PLCB1: variants seen among roughly 807,000 people sequenced by gnomAD.
PLCB1 encodes the protein 1-phosphatidylinositol 4,5-bisphosphate phosphodiesterase beta-1.
Under a neutral mutation model 161.8 loss-of-function variants are expected in PLCB1, and 46 were observed. The observed-to-expected ratio is 0.28, with a 90% CI of 0.22 to 0.36. The LOEUF is 0.36. Ranked by LOEUF, PLCB1 falls within the 10% of genes least tolerant of loss-of-function variation. PLCB1 has a pLI of 1.00. For synonymous variants in PLCB1, 517 were observed against 503.7 expected, an observed-to-expected ratio of 1.03 and a Z score of -0.35; for missense variants, 1,016 against 1,472.5, an observed-to-expected ratio of 0.69 and a Z score of 5.07.
intron 2 of PLCB1, among the ~76,000 whole-genome samples, chr20:8,338,409 A>C (rs1476270222): frequency 6.6e-6 from 1 of 152,140 alleles, no homozygotes; most frequent in African/African-American, 2.4e-5. Flanking sequence ...GAAAGCATTA[A>C]AGTGTTCTGG....
chr20:8,191,554 T>G (rs1441197527), intron 2 of PLCB1, among the ~76,000 whole-genome samples: 3 of 151,982 alleles, frequency 2.0e-5, no homozygotes, highest in Non-Finnish European at 4.4e-5. Flanking sequence ...AAAATCATAA[T>G]GGTGCATACT....
intron 3 of PLCB1, among the ~76,000 whole-genome samples, chr20:8,593,153 C>G (rs1484607226): frequency 6.6e-6 from 1 of 152,042 alleles, no homozygotes; most frequent in Non-Finnish European, 1.5e-5. Context: ...ACTCACAGGC[C>G]CTGCCCCCCA....
chr20:8,521,160 A>G (rs1423743708), intron 3 of PLCB1, among the ~76,000 whole-genome samples: 1 of 152,134 alleles, frequency 6.6e-6, no homozygotes, highest in African/African-American at 2.4e-5. Context: ...ATTCTAGGTA[A>G]TGCTTCATTA....
chr20:8,284,563 C>T (rs1983024688), intron 2 of PLCB1, among the ~76,000 whole-genome samples: 1 of 152,140 alleles, frequency 6.6e-6, no homozygotes, highest in Non-Finnish European at 1.5e-5. Context: ...CATAGCAAGA[C>T]TCTGTCTCTG....
intron 2 of PLCB1, among the ~76,000 whole-genome samples, chr20:8,222,543 T>A (rs1979469001): frequency 6.6e-6 from 1 of 152,142 alleles, no homozygotes; most frequent in Non-Finnish European, 1.5e-5. Context: ...CTATGATGAA[T>A]CTAAACATGA....
intron 2 of PLCB1, among the ~76,000 whole-genome samples, chr20:8,214,371 A>G (rs908734211): frequency 6.6e-6 from 1 of 151,970 alleles, no homozygotes; most frequent in African/African-American, 2.4e-5. Flanking sequence ...AGATCTGCCT[A>G]TTTAAAAGTG....
At chr20:8,216,581 T>G (rs557235152) in intron 2 of PLCB1, among the ~76,000 whole-genome samples, 31 of 152,094 alleles carry the variant, frequency 2.0e-4, no homozygotes, top group African/African-American at 6.7e-4. Context: ...TATGGTTGAG[T>G]AGAAATAGAA....
chr20:8,134,953 T>C (rs2051331533), intron 1 of PLCB1, among the ~76,000 whole-genome samples: 1 of 152,046 alleles, frequency 6.6e-6, no homozygotes, highest in Non-Finnish European at 1.5e-5. Flanking sequence ...TTTGGTTCTC[T>C]GGGTCTTCAT....
At position 8,647,904 on chromosome 20, in the gene PLCB1, A is replaced by G. The variant is rs2123290762; in HGVS notation, c.469A>G (p.Thr157Ala). ...SRDAFLEKAYTKLKLQVTPEG... is the reference protein window; with the variant it reads ...SRDAFLEKAYAKLKLQVTPEG... Reference sequence around the variant, plus strand: ...GTTTTTCTGCTTCTCCAACAGCTATACTAAACTTAAGCTGCAAGTCACTCC... The same window carrying G: ...GTTTTTCTGCTTCTCCAACAGCTATGCTAAACTTAAGCTGCAAGTCACTCC... Residue 157 changes from threonine to alanine, a missense_variant, in exon 6 of 32, where the codon ACT (threonine) becomes GCT (alanine). By Grantham distance (58) the Thr-to-Ala change is moderately conservative. Transcript: ENST00000338037. The G allele has an allele frequency of 6.2e-7, 1 of 1,606,166 alleles. No individual in the cohort carries two copies. Among genetic ancestry groups the G allele is most frequent in the South Asian group, 1.1e-5 (1 of 89,466 alleles).
rs374392106 is a variant in PLCB1, at chr20:8,139,391, C to A, written c.99+6641C>A. Reference sequence around the variant, plus strand: ...GATTACAGGTGTGAGCCACCGCACCCGGCCTTCAAGGGCTTTTTTTGTTTA... The same window carrying A: ...GATTACAGGTGTGAGCCACCGCACCAGGCCTTCAAGGGCTTTTTTTGTTTA... On this transcript the variant is annotated intron_variant, in intron 1 of 31. Coordinates refer to ENST00000338037, the MANE Select transcript of PLCB1 (RefSeq NM_015192.4). Among the ~76,000 whole-genome samples, 4 of 152,148 alleles carry A rather than the reference C, an allele frequency of 2.6e-5. No homozygotes were observed. The East Asian group carries it at 7.7e-4, about 29-fold the overall frequency.
chr20:8,275,633 T>C (rs1982502167), intron 2 of PLCB1, among the ~76,000 whole-genome samples: 1 of 152,206 alleles, frequency 6.6e-6, no homozygotes, highest in Non-Finnish European at 1.5e-5. Flanking sequence ...TGTTCTTGTT[T>C]TATTTTGTTT....
At chr20:8,499,894 G>A (rs1317768435) in intron 3 of PLCB1, among the ~76,000 whole-genome samples, 1 of 152,172 alleles carries the variant, frequency 6.6e-6, no homozygotes, top group Non-Finnish European at 1.5e-5. Flanking sequence ...AACAGGTAAT[G>A]TTACTGCTGC....
At chr20:8,780,218 G>A (rs1983144133) in intron 27 of PLCB1, among the ~76,000 whole-genome samples, 1 of 152,094 alleles carries the variant, frequency 6.6e-6, no homozygotes, top group South Asian at 2.1e-4. Context: ...TTTACCTGAG[G>A]GTCCCCAATC....
intron 9 of PLCB1, among the ~76,000 whole-genome samples, chr20:8,669,905 A>C (rs1191262928): frequency 6.6e-6 from 1 of 152,206 alleles, no homozygotes; most frequent in Admixed American, 6.5e-5. Context: ...TGCTCATACA[A>C]CGCCAATGTC....
intron 2 of PLCB1, among the ~76,000 whole-genome samples, chr20:8,165,533 CTA>C (rs1219756468): frequency 6.6e-6 from 1 of 152,176 alleles, no homozygotes; most frequent in Non-Finnish European, 1.5e-5. Context: ...ACTATTAATG[CTA>C]TGTTGATTCT....
chr20:8,306,261 G>C (rs1446196158), intron 2 of PLCB1: 2 of 152,198 alleles, frequency 1.3e-5, no homozygotes, highest in African/African-American at 2.4e-5. Context: ...CAAAGACTCA[G>C]TGTCTCAGAC....
chr20:8,231,533 T>C (rs1303252355), intron 2 of PLCB1, among the ~76,000 whole-genome samples: 1 of 152,192 alleles, frequency 6.6e-6, no homozygotes, highest in East Asian at 1.9e-4. Context: ...CTGCACACAA[T>C]TGGCACTATG....
chr20:8,830,062 C>T (rs1039210461), intron 31 of PLCB1, among the ~76,000 whole-genome samples: 23 of 152,182 alleles, frequency 1.5e-4, no homozygotes, highest in Non-Finnish European at 3.1e-4. Flanking sequence ...AGATGGCCTA[C>T]TAATAATATA....
chr20:8,781,393 CACAA>C (rs1003623045), intron 27 of PLCB1, among the ~76,000 whole-genome samples: 1 of 123,086 alleles, frequency 8.1e-6, no homozygotes, highest in African/African-American at 3.0e-5. Flanking sequence ...GATTCACACA[CACAA>C]ACACACACAC....
Sources: gnomAD v4.1 joint callset for allele counts (sites outside exome capture counted in the v4.1 genomes callset) on GRCh38, gnomAD v4.1.1 for gene constraint, MANE v1.5 for transcripts, NCBI Gene and HGNC (gene_info 2026-07-23, HGNC 2026-07-21) for gene names.